THNSL1: variants seen among roughly 807,000 people sequenced by gnomAD.
THNSL1 encodes threonine synthase-like 1.
Under a neutral mutation model 50.4 loss-of-function variants are expected in THNSL1, and 48 were observed. The ratio of observed to expected loss-of-function variants is 0.95; its 90% CI spans 0.76 to 1.21. THNSL1 has a LOEUF of 1.21. THNSL1 is among the 50% of genes most tolerant of loss of function. The pLI is 0.00. For missense variants in THNSL1, 896 were observed against 871.7 expected, an observed-to-expected ratio of 1.03 and a Z score of -0.35; for synonymous variants, 309 against 306.1, an observed-to-expected ratio of 1.01 and a Z score of -0.10.
At chr10:25,019,865 C>T (rs536425844) in intron 1 of THNSL1, among the ~76,000 whole-genome samples, 1 of 152,078 alleles carries the variant, frequency 6.6e-6, no homozygotes, top group African/African-American at 2.4e-5. Context: ...ATCCTCAAAT[C>T]TTTTTTTTCC....
At chr10:24,978,280 GT>G in the THNSL1 span, among the ~76,000 whole-genome samples, 8 of 148,662 alleles carry the variant, frequency 5.4e-5, no homozygotes, top group Admixed American at 6.7e-5. Flanking sequence ...TGAACACATA[GT>G]TTTTTTTTTG....
chr10:24,967,223 C>T, the THNSL1 span, among the ~76,000 whole-genome samples: 5,582 of 151,428 alleles, frequency 0.037, 138 homozygotes, highest in Non-Finnish European at 0.058. Flanking sequence ...CATGTGTGTG[C>T]GTGCATGCAC....
the THNSL1 span, chr10:24,953,459 G>GT: frequency 6.6e-6 from 1 of 152,284 alleles, no homozygotes; most frequent in East Asian, 1.9e-4. Context: ...TGGTCAGATT[G>GT]TAATTGTTCC....
chr10:24,973,731 T>G, the THNSL1 span, among the ~76,000 whole-genome samples: 2 of 152,072 alleles, frequency 1.3e-5, no homozygotes, highest in Admixed American at 6.6e-5. Context: ...AGGTTTTTTT[T>G]TCCTTTGATT....
upstream of THNSL1, among the ~76,000 whole-genome samples, chr10:25,014,177 T>C (rs944740405): frequency 2.6e-5 from 4 of 152,152 alleles, no homozygotes; most frequent in African/African-American, 9.7e-5. Context: ...TCATCTCTCA[T>C]TATGGTTTTC....
At chr10:24,965,304 C>T in the THNSL1 span, among the ~76,000 whole-genome samples, 1 of 152,158 alleles carries the variant, frequency 6.6e-6, no homozygotes, top group Non-Finnish European at 1.5e-5. Context: ...CTATCACCGC[C>T]ACCCACTTTA....
the THNSL1 span, among the ~76,000 whole-genome samples, chr10:24,988,067 C>CA: frequency 2.0e-5 from 3 of 151,156 alleles, no homozygotes; most frequent in East Asian, 1.9e-4. Flanking sequence ...CTAAAAAATA[C>CA]AAAAAAATTA....
chr10:24,957,891 C>T, the THNSL1 span, among the ~76,000 whole-genome samples: 72,286 of 152,082 alleles, frequency 0.48, 18,169 homozygotes, highest in African/African-American at 0.64. Context: ...ATTCTGTAAT[C>T]ATCCTGTGCC....
chr10:24,995,556 C>G, the THNSL1 span: 1 of 1,127,544 alleles, frequency 8.9e-7, no homozygotes, highest in Non-Finnish European at 1.3e-6. Context: ...CCAATGAGAG[C>G]ACTAATAATG....
chr10:24,980,356 A>C, the THNSL1 span, among the ~76,000 whole-genome samples: 7 of 151,884 alleles, frequency 4.6e-5, no homozygotes, highest in Non-Finnish European at 1.0e-4. Context: ...TCTTCTTCTC[A>C]ACTTTTTCCA....
At chr10:24,999,682 CT>C in the THNSL1 span, 1 of 803,164 alleles carries the variant, frequency 1.2e-6, no homozygotes, top group Non-Finnish European at 1.9e-6. Flanking sequence ...ATAAAACATA[CT>C]TACCTGAGCC....
intron 1 of THNSL1, among the ~76,000 whole-genome samples, chr10:25,017,047 CCTTGGGCGGTCCTCCGGGTCGGCT>C (rs1850608621): frequency 1.3e-5 from 2 of 152,216 alleles, no homozygotes; most frequent in African/African-American, 4.8e-5. Context: ...CGGGACCGCC[CCTTGGGCGGTCCTCCGGGTCGGCT>C]CTGCGCCTGC....
At chr10:24,960,929 T>G in the THNSL1 span, among the ~76,000 whole-genome samples, 1 of 152,178 alleles carries the variant, frequency 6.6e-6, no homozygotes, top group Admixed American at 6.5e-5. Flanking sequence ...TTACCTACAC[T>G]CCCTTCCTCA....
the THNSL1 span, among the ~76,000 whole-genome samples, chr10:24,973,793 G>A: frequency 2.0e-5 from 3 of 151,614 alleles, no homozygotes; most frequent in African/African-American, 4.9e-5. Context: ...TCCCTCTTTC[G>A]CCCAGGCTGG....
At position 25,024,360 on chromosome 10, in the gene THNSL1, A is replaced by G; in HGVS notation, c.1137A>G (p.Ser379=). The change falls in exon 3 of 3, where the codon TCA becomes TCG. Residue 379 remains serine (S), a synonymous_variant. Coordinates refer to ENST00000376356, the MANE Select transcript of THNSL1 (RefSeq NM_024838.5). The part of the protein sequence containing the change: ...SCNYMILVAT[S]GDTGSAVLNG... The stretch of plus-strand genomic sequence containing the variant: ...ATTATATGATACTTGTAGCTACTTC[A>G]GGAGACACAGGGAGTGCAGTCTTAA... 6.2e-7 allele frequency: 1 copy of G among 1,614,092 alleles called. No individual in the cohort carries two copies. The highest frequency in any genetic ancestry group is 8.5e-7 in the Non-Finnish European group (1 of 1,180,036).
At position 25,024,845 on chromosome 10, in the gene THNSL1, C is replaced by T. The variant is rs1050014494; in HGVS notation, c.1622C>T (p.Thr541Ile). 6.2e-7 allele frequency: 1 copy of T among 1,613,940 alleles called. No homozygotes were observed. The highest frequency in any genetic ancestry group is 8.5e-7 in the Non-Finnish European group (1 of 1,180,018). Residue 541 changes from threonine (T) to isoleucine (I), a missense_variant, in exon 3 of 3, where the codon ACT (threonine) becomes ATT (isoleucine). Transcript: ENST00000376356. Reference sequence around the variant, plus strand: ...GCCTCTAATCAGAACCATGTTTTGACTGATTTTATAAAAACAGGACATTAT... The same window carrying T: ...GCCTCTAATCAGAACCATGTTTTGATTGATTTTATAAAAACAGGACATTAT... ...ICASNQNHVL[T>I]DFIKTGHYDL...
the THNSL1 span, among the ~76,000 whole-genome samples, chr10:25,005,043 G>A: frequency 6.6e-6 from 1 of 151,960 alleles, no homozygotes; most frequent in African/African-American, 2.4e-5. Context: ...TGTGTTTGTC[G>A]GGTTTGTCAA....
chr10:25,008,273 G>C, the THNSL1 span, among the ~76,000 whole-genome samples: 1 of 152,100 alleles, frequency 6.6e-6, no homozygotes, highest in Admixed American at 6.5e-5. Flanking sequence ...GAATAGTCTA[G>C]ACTTTCTTTG....
At chr10:24,993,680 T>C in the THNSL1 span, among the ~76,000 whole-genome samples, 1 of 152,258 alleles carries the variant, frequency 6.6e-6, no homozygotes, top group Admixed American at 6.5e-5. Flanking sequence ...AAGTCTTTCA[T>C]GAGCACTGAT....
Sources: gnomAD v4.1 joint callset for allele counts (sites outside exome capture counted in the v4.1 genomes callset) on GRCh38, gnomAD v4.1.1 for gene constraint, MANE v1.5 for transcripts, NCBI Gene and HGNC (gene_info 2026-07-23, HGNC 2026-07-21) for gene names.